The following MKLN1 variants were observed in gnomAD, a reference collection of about 807,000 sequenced individuals.
The protein encoded by MKLN1 is muskelin 1.
Under a neutral mutation model 99.0 loss-of-function variants are expected in MKLN1, and 18 were observed. The ratio of observed to expected loss-of-function variants is 0.18; its 90% confidence interval spans 0.13 to 0.27. MKLN1 has a LOEUF of 0.27. Ranked by LOEUF, MKLN1 falls within the 10% of genes least tolerant of loss-of-function variation. The pLI, the probability that MKLN1 is intolerant of heterozygous loss-of-function variation, is 1.00. For missense variants in MKLN1, 621 were observed against 875.9 expected, an observed-to-expected ratio of 0.71 and a Z score of 3.67; for synonymous variants, 288 against 293.2, an observed-to-expected ratio of 0.98 and a Z score of 0.18.
At position 131,359,586 on chromosome 7, in the gene MKLN1, T is replaced by C. The variant is rs186666864; in HGVS notation, c.99-15838T>C. On this transcript the variant is annotated intron_variant, in intron 1 of 17. Transcript: ENST00000352689. The stretch of plus-strand genomic sequence containing the variant: ...TGTCTATTACTGACAGGGATATTGA[T>C]GTGTCCAATTATAATAATGCTTCTT... Among the ~76,000 whole-genome samples, 350 of 152,324 alleles carry C rather than the reference T, an allele frequency of 2.3e-3. 3 individuals carry two copies. Among genetic ancestry groups the C allele is most frequent in the African/African-American group, 7.9e-3 (330 of 41,580 alleles).
At chr7:131,324,700 TAATGTTTAGCTTCTGTGGC>T (rs1322808929), upstream of MKLN1, among the ~76,000 whole-genome samples, 2 of 152,200 alleles carry the variant, frequency 1.3e-5, no homozygotes, top group Non-Finnish European at 2.9e-5. Flanking sequence ...ATTAGTAGGT[TAATGTTTAGCTTCTGTGGC>T]AATAGTAAGC....
chr7:131,209,463 T>C (rs1373534912), intron 3 of MKLN1, among the ~76,000 whole-genome samples: 1 of 152,146 alleles, frequency 6.6e-6, no homozygotes, highest in African/African-American at 2.4e-5. Context: ...GCAGAGTCAA[T>C]GGGACTTTCC....
chr7:131,305,881 G>A (rs1214026333), intron 3 of MKLN1, among the ~76,000 whole-genome samples: 1 of 152,172 alleles, frequency 6.6e-6, no homozygotes, highest in African/African-American at 2.4e-5. Context: ...TTAATATGGA[G>A]ACGCATACTG....
intron 14 of MKLN1, among the ~76,000 whole-genome samples, chr7:131,465,271 A>C (rs1023649196): frequency 2.6e-5 from 4 of 152,192 alleles, no homozygotes; most frequent in Non-Finnish European, 4.4e-5. Flanking sequence ...TTTTGTATAC[A>C]TACAGAAAAA....
chr7:131,440,902 C>T (rs1795818882), intron 10 of MKLN1, among the ~76,000 whole-genome samples: 1 of 152,034 alleles, frequency 6.6e-6, no homozygotes, highest in African/African-American at 2.4e-5. Context: ...ATAACACTGA[C>T]TATAAAAGAT....
At chr7:131,167,459 C>T (rs1460550117) in intron 2 of MKLN1, among the ~76,000 whole-genome samples, 1 of 151,938 alleles carries the variant, frequency 6.6e-6, no homozygotes, top group Admixed American at 6.6e-5. Flanking sequence ...ATTGCCTGAG[C>T]CTAGGAGTTC....
chr7:131,372,730 T>G (rs1244984241), intron 1 of MKLN1, among the ~76,000 whole-genome samples: 1 of 151,498 alleles, frequency 6.6e-6, no homozygotes, highest in Non-Finnish European at 1.5e-5. Context: ...GGTTTTTTTT[T>G]TTTTTTTTTT....
intron 2 of MKLN1, among the ~76,000 whole-genome samples, chr7:131,158,673 TG>T: frequency 6.6e-6 from 1 of 152,360 alleles, no homozygotes; most frequent in Admixed American, 6.5e-5. Flanking sequence ...TCTTATTTTC[TG>T]TATTTCATTT....
rs189989998 is a variant in MKLN1 at position 131,282,913 on chromosome 7, C to T, written c.-179+79939C>T. 3.5e-4 allele frequency among the ~76,000 whole-genome samples: 54 copies of T among 152,278 alleles called. 2 individuals are homozygous for T. Among genetic ancestry groups the T allele is most frequent in the Admixed American group, 3.5e-3 (54 of 15,300 alleles). On this transcript the variant is annotated intron_variant, in intron 3 of 7. Transcript: ENST00000416992. The stretch of plus-strand genomic sequence containing the variant: ...GGAAATTTCTGGATATGACTATAGT[C>T]ATGATTTCCACACGTGGACCAATCC...
chr7:131,369,577 A>C (rs926093498), intron 1 of MKLN1, among the ~76,000 whole-genome samples: 1 of 152,214 alleles, frequency 6.6e-6, no homozygotes, highest in Non-Finnish European at 1.5e-5. Flanking sequence ...CAAGTGTAAC[A>C]GCATTTTGCA....
At chr7:131,273,912 T>A (rs1044587722) in intron 3 of MKLN1, among the ~76,000 whole-genome samples, 1 of 152,198 alleles carries the variant, frequency 6.6e-6, no homozygotes, top group African/African-American at 2.4e-5. Context: ...AGCCTGACAC[T>A]TTAATATCAC....
intron 6 of MKLN1, 32 bp downstream of exon 6, chr7:131,399,465 T>A (rs776317785): frequency 6.4e-7 from 1 of 1,571,144 alleles, no homozygotes; most frequent in South Asian, 1.1e-5. Context: ...TTAGGGTAAA[T>A]TCAAGTACAT....
chr7:131,470,833 A>G lies in MKLN1; in HGVS notation c.1929-9A>G, dbSNP rs181477125. ...ACTCCAGATAATTATCCTTGTGTAC[A>G]TTTTCTAGGTTTGAAGAAAAGGCCC... On this transcript the variant is annotated splice_polypyrimidine_tract_variant and intron_variant, in intron 15 of 17. Coordinates refer to ENST00000352689, the MANE Select transcript of MKLN1 (RefSeq NM_013255.5). 164 of 1,547,650 alleles carry G rather than the reference A, an allele frequency of 1.1e-4. No homozygotes were observed. The highest frequency in any genetic ancestry group is 7.3e-4 in the Admixed American group (43 of 59,004).
chr7:131,450,904 A>C (rs1281057008), intron 12 of MKLN1, among the ~76,000 whole-genome samples: 1 of 152,164 alleles, frequency 6.6e-6, no homozygotes, highest in Non-Finnish European at 1.5e-5. Flanking sequence ...TACAAAGATC[A>C]GCTGAAATAC....
intron 2 of MKLN1, among the ~76,000 whole-genome samples, chr7:131,200,526 A>G (rs1796711842): frequency 1.3e-5 from 2 of 152,364 alleles, no homozygotes; most frequent in East Asian, 3.9e-4. Context: ...ACTAATGCTA[A>G]TACAAAATTA....
intron 3 of MKLN1, among the ~76,000 whole-genome samples, chr7:131,267,000 A>G (rs1357957641): frequency 2.0e-5 from 3 of 151,892 alleles, no homozygotes; most frequent in African/African-American, 7.3e-5. Context: ...TCCTAAGTCA[A>G]CCTCTCTCAT....
chr7:131,210,566 G>A lies in MKLN1; in HGVS notation c.-179+7592G>A, dbSNP rs1274385404. Reference sequence around the variant, plus strand: ...AACATACAAAAAATTAGCCAGGCATGGTGGTGCACACCTGTAGTCCTAGCT... The same window carrying A: ...AACATACAAAAAATTAGCCAGGCATAGTGGTGCACACCTGTAGTCCTAGCT... On this transcript the variant is annotated intron_variant, in intron 3 of 7. Transcript: ENST00000416992. 4.1e-5 allele frequency among the ~76,000 whole-genome samples: 6 copies of A among 145,014 alleles called. 1 individual carries two copies. The South Asian group carries it at 6.9e-4, about 17-fold the overall frequency.
At chr7:131,137,731 T>C (rs1795670315) in intron 1 of MKLN1, among the ~76,000 whole-genome samples, 2 of 149,836 alleles carry the variant, frequency 1.3e-5, no homozygotes, top group South Asian at 2.1e-4. Context: ...TGCGCCACCA[T>C]ACCCGGCTGA....
chr7:131,238,336 C>A lies in MKLN1; in HGVS notation c.-179+35362C>A, dbSNP rs958621939. ...TGACTGATATAGTAGTGAATTAATT[C>A]TTTGCCTCAGGAGGTGTTCATGTCT... On this transcript the variant is annotated intron_variant, in intron 3 of 7. Coordinates refer to the MKLN1 transcript ENST00000416992. 1.1e-4 allele frequency among the ~76,000 whole-genome samples: 16 copies of A among 152,250 alleles called. No homozygotes were observed. The East Asian group carries it at 2.5e-3, about 24-fold the overall frequency.
Sources: allele counts gnomAD v4.1 joint callset (sites outside exome capture counted in the v4.1 genomes callset), GRCh38; gene constraint gnomAD v4.1.1; transcripts MANE v1.5; gene names NCBI Gene and HGNC (gene_info 2026-07-23, HGNC 2026-07-21).